CAMTA1: variants seen among roughly 807,000 people sequenced by gnomAD.
CAMTA1 encodes the protein calmodulin binding transcription activator 1, also known as calmodulin-binding transcription activator 1.
Under a neutral mutation model 170.9 loss-of-function variants are expected in CAMTA1, and 27 were observed. That is an observed-to-expected ratio of 0.16 (90% CI 0.12 to 0.22). CAMTA1 has a LOEUF of 0.22. Among genes scored for constraint, CAMTA1 ranks in the 10% least tolerant of loss-of-function variants. The pLI, the probability that CAMTA1 is intolerant of heterozygous loss-of-function variation, is 1.00. For missense variants in CAMTA1, 1,619 were observed against 2,217.2 expected (o/e 0.73, Z 5.42); for synonymous variants, 833 against 891.5 (o/e 0.93, Z 1.17).
At chr1:7,118,121 G>T (rs760992582) in intron 4 of CAMTA1, among the ~76,000 whole-genome samples, 1 of 152,118 alleles carries the variant, frequency 6.6e-6, no homozygotes, top group Non-Finnish European at 1.5e-5. Flanking sequence ...CCTCATGCCT[G>T]TGGTTGTCTC....
chr1:7,474,395 C>A (rs1262968043), intron 6 of CAMTA1, among the ~76,000 whole-genome samples: 4 of 151,894 alleles, frequency 2.6e-5, no homozygotes, highest in African/African-American at 9.7e-5. Flanking sequence ...GAGCCAACAG[C>A]AGCATGGAAT....
At chr1:6,842,078 C>T (rs1184560303) in intron 3 of CAMTA1, among the ~76,000 whole-genome samples, 1 of 152,228 alleles carries the variant, frequency 6.6e-6, no homozygotes, top group African/African-American at 2.4e-5. Flanking sequence ...CCAACCACTT[C>T]CCTTACACTT....
At chr1:6,981,872 G>C (rs1694492566) in intron 3 of CAMTA1, among the ~76,000 whole-genome samples, 1 of 152,018 alleles carries the variant, frequency 6.6e-6, no homozygotes, top group East Asian at 1.9e-4. Flanking sequence ...AGGATAACAG[G>C]TGCACACCAC....
At chr1:7,261,316 C>T (rs772944994) in intron 5 of CAMTA1, among the ~76,000 whole-genome samples, 73 of 152,124 alleles carry the variant, frequency 4.8e-4, no homozygotes, top group Non-Finnish European at 8.2e-4. Context: ...CTATTGATAA[C>T]TTTTAATGCT....
At chr1:6,843,027 A>C (rs1656523848) in intron 3 of CAMTA1, among the ~76,000 whole-genome samples, 1 of 152,180 alleles carries the variant, frequency 6.6e-6, no homozygotes, top group South Asian at 2.1e-4. Context: ...AATGTAGATC[A>C]TTTGAATCAA....
At chr1:6,961,886 C>T (rs1690478868) in intron 3 of CAMTA1, among the ~76,000 whole-genome samples, 1 of 152,278 alleles carries the variant, frequency 6.6e-6, no homozygotes, top group East Asian at 1.9e-4. Flanking sequence ...GGCCAGAGTG[C>T]GCCTTGCTCA....
chr1:7,610,104 C>T (rs1270555383), intron 6 of CAMTA1, among the ~76,000 whole-genome samples: 1 of 152,202 alleles, frequency 6.6e-6, no homozygotes, highest in Non-Finnish European at 1.5e-5. Flanking sequence ...ATGGAGGGCA[C>T]AGCCCAGCCA....
chr1:7,670,525 C>T (rs979914857), intron 9 of CAMTA1, among the ~76,000 whole-genome samples: 13 of 152,224 alleles, frequency 8.5e-5, no homozygotes. Context: ...AATGACGGAG[C>T]AAGTCCCCTC....
Position 6,825,254 on chromosome 1 carries a change from A to G in CAMTA1, c.234+44A>G, listed in dbSNP as rs1346181700. Reference sequence around the variant, plus strand: ...TTAAGGGTATAATTATTTTAAGGGCAAATTTTTTAGGTTGCTTCACATAGT... The same window carrying G: ...TTAAGGGTATAATTATTTTAAGGGCGAATTTTTTAGGTTGCTTCACATAGT... On this transcript the variant is annotated intron_variant, in intron 3 of 22. Transcript: ENST00000303635. The G allele has an allele frequency of 3.7e-6, 4 of 1,080,600 alleles. No individual in the cohort carries two copies. The Admixed American group carries it at 9.6e-5, about 26-fold the overall frequency. The allele number at this position is 1,080,600 out of a possible 1,614,324, so 66.9% of individuals were successfully genotyped here. A position where few individuals can be genotyped will look rare whatever the true frequency, so the allele number is the denominator to read the frequency against.
At chr1:7,512,874 ACAGT>A (rs2094221403) in intron 6 of CAMTA1, among the ~76,000 whole-genome samples, 1 of 152,150 alleles carries the variant, frequency 6.6e-6, no homozygotes, top group South Asian at 2.1e-4. Context: ...GGGCAAGGGG[ACAGT>A]CAGAGAGGGC....
intron 6 of CAMTA1, among the ~76,000 whole-genome samples, chr1:7,516,221 A>G (rs940479280): frequency 2.0e-5 from 3 of 152,258 alleles, no homozygotes; most frequent in Admixed American, 1.3e-4. Flanking sequence ...GCTCAAATTA[A>G]TGACCAAAAT....
In CAMTA1 at chr1:7,737,521, C is replaced by G; in HGVS notation, c.3609C>G (p.Ser1203Arg). The G allele has an allele frequency of 6.2e-7, 1 of 1,614,046 alleles. No individual in the cohort carries two copies. Among genetic ancestry groups the G allele is most frequent in the Non-Finnish European group, 8.5e-7 (1 of 1,179,976 alleles). The change falls in exon 15 of 23, where the codon AGC becomes AGG. Residue 1203 changes from serine to arginine, a missense_variant. Ser to Arg is a moderately radical substitution (Grantham distance 110, BLOSUM62 -1). This residue lies in a region of CAMTA1 where 370 missense variants were observed against 429.4 expected (regional missense o/e 0.86). Transcript: ENST00000303635. Reference sequence around the variant, plus strand: ...CCCAGTGGCACAGCGAAGCCATCAGCTCTCCAGAAATACCCAAGGGAGTCA... The same window carrying G: ...CCCAGTGGCACAGCGAAGCCATCAGGTCTCCAGAAATACCCAAGGGAGTCA... ...WMAQWHSEAI[S>R]SPEIPKGVTV...
intron 6 of CAMTA1, among the ~76,000 whole-genome samples, chr1:7,502,178 G>T (rs927363156): frequency 6.6e-6 from 1 of 152,190 alleles, no homozygotes; most frequent in Non-Finnish European, 1.5e-5. Flanking sequence ...GGGCTTACAG[G>T]GTGGTCTCCA....
At chr1:7,488,564 G>A (rs2462930) in intron 6 of CAMTA1, among the ~76,000 whole-genome samples, 3 of 151,962 alleles carry the variant, frequency 2.0e-5, no homozygotes, top group South Asian at 2.1e-4. Context: ...ACACATGCAT[G>A]CACATACATC....
chr1:7,054,819 C>T (rs1018054439), intron 3 of CAMTA1, among the ~76,000 whole-genome samples: 12 of 152,210 alleles, frequency 7.9e-5, no homozygotes, highest in African/African-American at 2.9e-4. Context: ...ATACCCTAGA[C>T]TGGTAATTTA....
chr1:6,896,406 G>T (rs1223715528), intron 3 of CAMTA1, among the ~76,000 whole-genome samples: 1 of 152,196 alleles, frequency 6.6e-6, no homozygotes. Context: ...AATTCCCTCA[G>T]ATCCAGCCTT....
intron 1 of CAMTA1, among the ~76,000 whole-genome samples, chr1:6,803,887 ATT>A (rs1219782664): frequency 6.8e-6 from 1 of 146,096 alleles, no homozygotes; most frequent in Non-Finnish European, 1.5e-5. Flanking sequence ...GCTGATTAAA[ATT>A]TTTTTTTTTT....
chr1:7,037,035 A>G (rs1703701184), intron 3 of CAMTA1, among the ~76,000 whole-genome samples: 1 of 152,228 alleles, frequency 6.6e-6, no homozygotes, highest in Non-Finnish European at 1.5e-5. Flanking sequence ...AATGTCTTAG[A>G]TAGTAAAACA....
intron 3 of CAMTA1, among the ~76,000 whole-genome samples, chr1:6,953,692 G>A (rs962714618): frequency 2.0e-5 from 3 of 152,152 alleles, no homozygotes; most frequent in Non-Finnish European, 4.4e-5. Flanking sequence ...AAAACCCAAG[G>A]GTATGAAAGT....
Sources: gnomAD v4.1 joint callset for allele counts (sites outside exome capture counted in the v4.1 genomes callset) on GRCh38, gnomAD v4.1.1 for gene constraint, gnomAD v4.1.1 regional missense constraint, MANE v1.5 for transcripts, NCBI Gene and HGNC (gene_info 2026-07-23, HGNC 2026-07-21) for gene names.